The following ACE variants were observed in gnomAD, a reference collection of about 807,000 sequenced individuals.
The protein encoded by ACE is angiotensin I converting enzyme, also known as angiotensin-converting enzyme.
ACE carries 122 observed loss-of-function variants against 162.3 expected under a neutral mutation model. That is an observed-to-expected ratio of 0.75 (90% CI 0.65 to 0.87). The LOEUF is 0.87. Ranked by LOEUF, ACE falls within the 40% of genes least tolerant of loss-of-function variation. ACE has a pLI of 0.00. For synonymous variants in ACE, 796 were observed against 720.6 expected (o/e 1.10, Z -1.68); for missense variants, 1,799 against 1,735.1 (o/e 1.04, Z -0.65).
At chr17:63,496,579 G>T (rs1272192962) in intron 23 of ACE, 63 bp downstream of exon 23, 5 of 1,611,962 alleles carry the variant, frequency 3.1e-6, no homozygotes, top group Non-Finnish European at 4.2e-6. Context: ...GCCTTGAGGG[G>T]TCTGTCCACT....
intron 20 of ACE, 22 bp downstream of exon 20, chr17:63,493,681 C>T: frequency 6.2e-7 from 1 of 1,612,066 alleles, no homozygotes; most frequent in Non-Finnish European, 8.5e-7. Flanking sequence ...GCGGGAGGCC[C>T]TGGTGGGCTG....
intron 17 of ACE, chr17:63,490,576 G>A (rs2030302709): frequency 3.1e-6 from 1 of 318,504 alleles, no homozygotes; most frequent in Non-Finnish European, 6.1e-6. Context: ...AGGATTGAAA[G>A]TGAATTCACA....
chr17:63,477,086 C>G lies in ACE; in HGVS notation c.-9C>G. Reference sequence around the variant, plus strand: ...AGAAGGGGCAGAGCCGAGCACCGCGCACCGCGTCATGGGGGCCGCCTCGGG... The same window carrying G: ...AGAAGGGGCAGAGCCGAGCACCGCGGACCGCGTCATGGGGGCCGCCTCGGG... On this transcript the variant is annotated 5_prime_UTR_variant, in exon 1 of 25. Coordinates refer to ENST00000290866, the MANE Select transcript of ACE (RefSeq NM_000789.4). 7.7e-7 allele frequency: 1 copy of G among 1,302,526 alleles called. No homozygotes were observed. The highest frequency in any genetic ancestry group is 9.7e-7 in the Non-Finnish European group (1 of 1,033,094). The allele number at this position is 1,302,526 out of a possible 1,614,324, so 80.7% of individuals were successfully genotyped here.
At position 63,493,206 on chromosome 17, in the gene ACE, G is replaced by A. The variant is rs529476313; in HGVS notation, c.2913-230G>A. Among the ~76,000 whole-genome samples, 47 of 152,298 alleles carry A rather than the reference G, an allele frequency of 3.1e-4. 1 individual carries two copies. Among genetic ancestry groups the A allele is most frequent in the Middle Eastern group, 3.4e-3 (1 of 294 alleles). ...GGGGGCTGGAGTCATTCAGGAAAAT[G>A]GGAGGCAGAGGAATGGCCTGAACGG... On this transcript the variant is annotated intron_variant, in intron 19 of 24. Transcript: ENST00000290866.
chr17:63,483,570 C>CCCCCCCCCCCCCCCCCCCACA lies in ACE; in HGVS notation c.1586+14_1586+15insCCCCCCCCCCCCCCCCACACC. The CCCCCCCCCCCCCCCCCCCACA allele has an allele frequency of 1.2e-6, 1 of 803,466 alleles. No individual in the cohort carries two copies. The highest frequency in any genetic ancestry group is 2.0e-6 in the Non-Finnish European group (1 of 509,414). 49.8% of individuals were successfully genotyped at this position (803,466 alleles called of 1,614,324 possible). On this transcript the variant is annotated intron_variant, in intron 10 of 24. Transcript: ENST00000290866. The stretch of plus-strand genomic sequence containing the variant: ...ACACCATACATCAGGTATTAGCGCC[C>CCCCCCCCCCCCCCCCCCCACA]CCACCCCACCCACCCCCAGTACTGT...
Position 63,481,479 on chromosome 17 carries a change from G to A in ACE, c.946-87G>A, listed in dbSNP as rs2049708309. On this transcript the variant is annotated intron_variant, in intron 6 of 24. Transcript: ENST00000290866. ...GAGCAGAGAAGCTTTCATGCACAGG[G>A]AGTTGACCCGAGATGGGGACCCCAG... 3 of 1,444,052 alleles carry A rather than the reference G, an allele frequency of 2.1e-6. No individual in the cohort carries two copies. The Admixed American group carries it at 5.6e-5, about 27-fold the overall frequency. The allele number at this position is 1,444,052 out of a possible 1,614,324, so 89.5% of individuals were successfully genotyped here.
chr17:63,477,944 T>A lies in ACE; in HGVS notation c.263T>A (p.Leu88Gln). The change falls in exon 2 of 25, where the codon CTG becomes CAG. Residue 88 changes from leucine (L) to glutamine (Q), a missense_variant. Leu to Gln is a moderately radical substitution (Grantham distance 113). Transcript: ENST00000290866. Reference sequence around the variant, plus strand: ...GGTGCCCAATAGGAGGAAGCAGCCCTGCTCAGCCAGGAGTTTGCGGAGGCC... The same window carrying A: ...GGTGCCCAATAGGAGGAAGCAGCCCAGCTCAGCCAGGAGTTTGCGGAGGCC... ...ENARRQEEAA[L>Q]LSQEFAEAWG... The A allele has an allele frequency of 6.2e-7, 1 of 1,611,264 alleles. No homozygotes were observed. The highest frequency in any genetic ancestry group is 8.5e-7 in the Non-Finnish European group (1 of 1,179,042).
At chr17:63,496,714 A>T (rs2030756950) in intron 23 of ACE, 84 bp from the exon 24 acceptor site, 4 of 1,593,484 alleles carry the variant, frequency 2.5e-6, no homozygotes, top group Non-Finnish European at 2.6e-6. Context: ...TTCAGCTGGG[A>T]GTGGGTATGG....
rs767906048 is a variant in ACE at position 63,482,450 on chromosome 17, C to A, written c.1119-16C>A. 1 of 1,612,778 alleles carries A rather than the reference C, an allele frequency of 6.2e-7. No individual in the cohort carries two copies. Among genetic ancestry groups the A allele is most frequent in the Non-Finnish European group, 8.5e-7 (1 of 1,179,204 alleles). ...GTCCATCCGTCACTCTCACCCTCGC[C>A]CTCTCTACGCCCCAGGATCAAGCAG... On this transcript the variant is annotated splice_polypyrimidine_tract_variant and intron_variant, in intron 7 of 24. Coordinates refer to ENST00000290866, the MANE Select transcript of ACE (RefSeq NM_000789.4).
rs1246627721 is a variant in ACE at position 63,496,455 on chromosome 17, C to T, written c.3442C>T (p.His1148Tyr). Residue 1148 changes from histidine (H) to tyrosine (Y), a missense_variant, in exon 23 of 25, where the codon CAC becomes TAC. Coordinates refer to ENST00000290866, the MANE Select transcript of ACE (RefSeq NM_000789.4). ...CGAGGCACTGTGCCAGGCAGCTGGC[C>T]ACACGGGCCCCCTGCACAAGTGTGA... is the stretch of plus-strand genomic sequence containing the variant. ...FHEALCQAAG[H>Y]TGPLHKCDIY... is the part of the protein sequence containing the mutation. 1 of 1,614,088 alleles carries T rather than the reference C, an allele frequency of 6.2e-7. No individual in the cohort carries two copies. The highest frequency in any genetic ancestry group is 8.5e-7 in the Non-Finnish European group (1 of 1,180,054).
intron 19 of ACE, among the ~76,000 whole-genome samples, chr17:63,493,122 C>T (rs183641207): frequency 1.5e-3 from 233 of 152,350 alleles, no homozygotes; most frequent in African/African-American, 5.4e-3. Flanking sequence ...CTAGAAAGTA[C>T]ACAATGTCCC....
chr17:63,484,624 C>T lies in ACE; in HGVS notation c.1921+83C>T, dbSNP rs1005375206. 6 of 1,499,372 alleles carry T rather than the reference C, an allele frequency of 4.0e-6. No homozygotes were observed. The East Asian group carries it at 7.3e-5, about 18-fold the overall frequency. 92.9% of individuals were successfully genotyped at this position (1,499,372 alleles called of 1,614,324 possible). On this transcript the variant is annotated intron_variant, in intron 12 of 24. Coordinates refer to ENST00000290866, the MANE Select transcript of ACE (RefSeq NM_000789.4). This position sits in a 1 kb window ranked among gnomAD's most constrained non-coding sequence, Gnocchi z 4.0. ...GCCCAGGCCCCAGGTTCCTGGTCAG[C>T]TCCTACCAGCTGAGCCCTGGTACCC... is the stretch of plus-strand genomic sequence containing the variant.
At chr17:63,486,954 G>A (rs975074789) in intron 14 of ACE, 32 bp from the exon 15 acceptor site, 51 of 1,585,170 alleles carry the variant, frequency 3.2e-5, no homozygotes, top group Non-Finnish European at 4.1e-5. Context: ...GTGCAAAGGA[G>A]TACAGCTCAT....
chr17:63,486,275 G>A (rs1172845947), intron 13 of ACE: 7 of 512,686 alleles, frequency 1.4e-5, no homozygotes, highest in Non-Finnish European at 2.1e-5. Context: ...CTAATACCAA[G>A]CTGGCTCCTT....
chr17:63,479,258 G>T (rs1182742824), intron 3 of ACE, among the ~76,000 whole-genome samples, 158 bp downstream of exon 3: 1 of 152,040 alleles, frequency 6.6e-6, no homozygotes, highest in Non-Finnish European at 1.5e-5. Context: ...ATACCCCCAC[G>T]CCCTGCTTCT....
intron 14 of ACE, 94 bp downstream of exon 14, chr17:63,486,809 C>G: frequency 1.3e-6 from 2 of 1,552,664 alleles, no homozygotes; most frequent in South Asian, 2.2e-5. Context: ...TCCTCTTCCT[C>G]GTTGTATCAA....
intron 13 of ACE, chr17:63,485,649 A>G: frequency 2.4e-6 from 1 of 415,164 alleles, no homozygotes; most frequent in Non-Finnish European, 4.7e-6. Flanking sequence ...GGTGGCGAGC[A>G]CCTGTAGTCC....
At chr17:63,479,668 A>C (rs2049674526) in intron 3 of ACE, 101 bp from the exon 4 acceptor site, 1 of 1,504,956 alleles carries the variant, frequency 6.6e-7, no homozygotes, top group Admixed American at 1.7e-5. Context: ...GATGTTCAGG[A>C]AGCTGGTGGG....
chr17:63,477,202 C>A lies in ACE; in HGVS notation c.108C>A (p.Pro36=), dbSNP rs776799364. The A allele has an allele frequency of 6.7e-7, 1 of 1,488,410 alleles. No individual in the cohort carries two copies. Among genetic ancestry groups the A allele is most frequent in the Non-Finnish European group, 8.9e-7 (1 of 1,123,452 alleles). The allele number at this position is 1,488,410 out of a possible 1,614,324, so 92.2% of individuals were successfully genotyped here. The change falls in exon 1 of 25, where the codon CCC becomes CCA. Residue 36 remains proline, a synonymous_variant. Transcript: ENST00000290866. ...TGGCGTTGGACCCCGGGCTGCAGCCCGGCAACTTTTCTGCTGACGAGGCCG... is the reference window on the plus strand; with the variant it reads ...TGGCGTTGGACCCCGGGCTGCAGCCAGGCAACTTTTCTGCTGACGAGGCCG... ...PALALDPGLQ[P]GNFSADEAGA...
Sources: allele counts gnomAD v4.1 joint callset (sites outside exome capture counted in the v4.1 genomes callset), GRCh38; gene constraint gnomAD v4.1.1; non-coding constraint Gnocchi (gnomAD v3.1); transcripts MANE v1.5; gene names NCBI Gene and HGNC (gene_info 2026-07-23, HGNC 2026-07-21).